The following RREB1 variants were observed in gnomAD, a reference collection of about 807,000 sequenced individuals.
RREB1 encodes the protein ras responsive element binding protein 1.
In RREB1, 27 loss-of-function variants were observed where a neutral mutation model predicts 117.8. The observed-to-expected ratio is 0.23, with a 90% CI of 0.17 to 0.32. The LOEUF (loss-of-function observed/expected upper bound fraction) is 0.32. Ranked by LOEUF, RREB1 falls within the 10% of genes least tolerant of loss-of-function variation. The pLI is 1.00. For synonymous variants in RREB1, 1,298 were observed against 1,026.7 expected (o/e 1.26, Z -5.05); for missense variants, 2,577 against 2,378.2 (o/e 1.08, Z -1.74).
At chr6:7,139,414 C>G (rs142996685) in intron 1 of RREB1, 1 of 152,158 alleles carries the variant, frequency 6.6e-6, no homozygotes, top group African/African-American at 2.4e-5. Context: ...ATGTTTAACT[C>G]AATATACTTT....
At chr6:7,182,105 G>A in intron 4 of RREB1, 23 bp downstream of exon 4, 1 of 1,603,286 alleles carries the variant, frequency 6.2e-7, no homozygotes, top group Non-Finnish European at 8.5e-7. Context: ...ACCTAGTGGT[G>A]ACCTCTGGTG....
rs768515282 is a variant in RREB1 at position 7,231,699 on chromosome 6, G to A, written c.3600G>A (p.Ala1200=). 37 of 1,613,110 alleles carry A rather than the reference G, an allele frequency of 2.3e-5. No individual in the cohort carries two copies. The highest frequency in any genetic ancestry group is 1.6e-4 in the South Asian group (15 of 91,062). The change falls in exon 10 of 13, where the codon GCG becomes GCA. Residue 1200 remains alanine (A), a synonymous_variant. Transcript: ENST00000379938. Reference sequence around the variant, plus strand: ...AGTTCAGTCCGTTTCTGCAGACAGCGGAGGACAACACTCAGGATGAGGTGG... The same window carrying A: ...AGTTCAGTCCGTTTCTGCAGACAGCAGAGGACAACACTCAGGATGAGGTGG... The part of the protein sequence containing the change: ...TNKFSPFLQT[A]EDNTQDEVAG...
At chr6:7,145,374 A>G (rs916014492) in intron 1 of RREB1, among the ~76,000 whole-genome samples, 7 of 152,168 alleles carry the variant, frequency 4.6e-5, no homozygotes, top group African/African-American at 1.2e-4. Flanking sequence ...TTAAAATGGC[A>G]ACTGAAACAT....
intron 1 of RREB1, among the ~76,000 whole-genome samples, chr6:7,158,632 G>T (rs1438029809): frequency 6.6e-6 from 1 of 152,158 alleles, no homozygotes; most frequent in Non-Finnish European, 1.5e-5. Flanking sequence ...AATTAGAATT[G>T]TATAGACAGC....
At position 7,231,573 on chromosome 6, in the gene RREB1, G is replaced by T. The variant is rs965870507; in HGVS notation, c.3474G>T (p.Gly1158=). The stretch of plus-strand genomic sequence containing the variant: ...CGAAGAAGAGGGGCCGGAAAAGGGG[G>T]ATGAGGAGCCGACCCCGCGCCAACA... The part of the protein sequence containing the change: ...GTSKKRGRKR[G]MRSRPRANSG... Residue 1158 remains glycine, a synonymous_variant, in exon 10 of 13, where the codon GGG becomes GGT. Transcript: ENST00000379938. 6.2e-7 allele frequency: 1 copy of T among 1,611,572 alleles called. No individual in the cohort carries two copies. Among genetic ancestry groups the T allele is most frequent in the Non-Finnish European group, 8.5e-7 (1 of 1,179,312 alleles).
At chr6:7,160,043 A>G (rs577689349) in intron 1 of RREB1, among the ~76,000 whole-genome samples, 3 of 152,178 alleles carry the variant, frequency 2.0e-5, no homozygotes, top group Non-Finnish European at 4.4e-5. Context: ...GCACTGAGCT[A>G]CAGACTAAAG....
At chr6:7,116,400 C>T (rs1435812204) in intron 1 of RREB1, among the ~76,000 whole-genome samples, 2 of 152,162 alleles carry the variant, frequency 1.3e-5, no homozygotes, top group Non-Finnish European at 2.9e-5. Context: ...GGAGAATTAG[C>T]TCTTCTGTTG....
intron 1 of RREB1, among the ~76,000 whole-genome samples, chr6:7,111,923 A>G (rs554936295): frequency 1.4e-4 from 22 of 152,332 alleles, no homozygotes; most frequent in African/African-American, 5.1e-4. Flanking sequence ...TTTATTCCGC[A>G]TGAAACAGAT....
At chr6:7,184,019 C>G (rs1561767396) in intron 4 of RREB1, 1 of 152,104 alleles carries the variant, frequency 6.6e-6, no homozygotes, top group African/African-American at 2.4e-5. Context: ...GAGGTGTGCT[C>G]CTTCCACCAG....
intron 1 of RREB1, among the ~76,000 whole-genome samples, chr6:7,171,855 CA>C (rs776859658): frequency 7.9e-5 from 12 of 152,034 alleles, no homozygotes; most frequent in Non-Finnish European, 1.5e-4. Context: ...AAAGGGTAAC[CA>C]AGGGGACTGG....
chr6:7,142,964 G>T (rs1762685322), intron 1 of RREB1, among the ~76,000 whole-genome samples: 1 of 152,188 alleles, frequency 6.6e-6, no homozygotes, highest in African/African-American at 2.4e-5. Flanking sequence ...AGCTTCCCAG[G>T]CGATGCAAAT....
intron 1 of RREB1, among the ~76,000 whole-genome samples, chr6:7,137,301 G>C (rs574235504): frequency 6.6e-6 from 1 of 152,278 alleles, no homozygotes; most frequent in East Asian, 1.9e-4. Flanking sequence ...TTATAGACTC[G>C]GGTACAGGGA....
rs182844022 is a variant in RREB1 at position 7,204,729 on chromosome 6, C to T, written c.426-6075C>T. Among the ~76,000 whole-genome samples, 4 of 152,238 alleles carry T rather than the reference C, an allele frequency of 2.6e-5. No individual in the cohort carries two copies. In the East Asian group the frequency reaches 7.7e-4, roughly 29 times the overall value. ...ACTCAGAGTATCAAAGAAGTTGGCT[C>T]CTTCATTAACAGTCCTAGGAGGAAA... On this transcript the variant is annotated intron_variant, in intron 6 of 12. Coordinates refer to ENST00000379938, the MANE Select transcript of RREB1 (RefSeq NM_001003699.4).
chr6:7,176,032 C>T (rs1764482187), intron 1 of RREB1, among the ~76,000 whole-genome samples: 1 of 152,224 alleles, frequency 6.6e-6, no homozygotes, highest in Non-Finnish European at 1.5e-5. Context: ...ATCCTCCCAC[C>T]TCAGCTCCAG....
chr6:7,226,014 C>T (rs1406837759), intron 8 of RREB1, among the ~76,000 whole-genome samples: 2 of 152,176 alleles, frequency 1.3e-5, no homozygotes, highest in African/African-American at 4.8e-5. Context: ...GCCAAGGATG[C>T]TGATTGATTG....
chr6:7,172,783 A>G (rs1291823387), intron 1 of RREB1, among the ~76,000 whole-genome samples: 1 of 152,086 alleles, frequency 6.6e-6, no homozygotes, highest in Non-Finnish European at 1.5e-5. Context: ...CCTGGAACTC[A>G]AAGCCGTCAT....
chr6:7,173,902 C>T (rs1035311166), intron 1 of RREB1, among the ~76,000 whole-genome samples: 1 of 152,204 alleles, frequency 6.6e-6, no homozygotes, highest in Non-Finnish European at 1.5e-5. Flanking sequence ...TGGAGACCTG[C>T]CCCTTAATCT....
At chr6:7,227,421 A>G (rs971871384) in intron 9 of RREB1, among the ~76,000 whole-genome samples, 7 of 149,544 alleles carry the variant, frequency 4.7e-5, no homozygotes, top group African/African-American at 1.7e-4. Flanking sequence ...TGCACCTGTA[A>G]TCCCAGCTAC....
chr6:7,159,226 C>CT (rs1763531706), intron 1 of RREB1, among the ~76,000 whole-genome samples: 1 of 152,132 alleles, frequency 6.6e-6, no homozygotes, highest in South Asian at 2.1e-4. Flanking sequence ...TCTGTGACCC[C>CT]TTTGAGGTTC....
Sources: gnomAD v4.1 joint callset for allele counts (sites outside exome capture counted in the v4.1 genomes callset) on GRCh38, gnomAD v4.1.1 for gene constraint, MANE v1.5 for transcripts, NCBI Gene and HGNC (gene_info 2026-07-23, HGNC 2026-07-21) for gene names.